NTPCR: variants seen among roughly 807,000 people sequenced by gnomAD.
NTPCR encodes the protein nucleoside-triphosphatase, cancer-related, also known as cancer-related nucleoside-triphosphatase.
NTPCR carries 15 observed loss-of-function variants against 19.5 expected under a neutral mutation model. That is an observed-to-expected ratio of 0.77 (90% CI 0.51 to 1.18). The LOEUF (loss-of-function observed/expected upper bound fraction) is 1.18. Among genes scored for constraint, NTPCR ranks in the 50% most tolerant of loss-of-function variants. NTPCR has a pLI of 0.00. For missense variants in NTPCR, 206 were observed against 240.4 expected, an observed-to-expected ratio of 0.86 and a Z score of 0.95; for synonymous variants, 90 against 95.8, an observed-to-expected ratio of 0.94 and a Z score of 0.36.
chr1:232,964,912 A>G (rs1002225851), intron 3 of NTPCR: 1 of 152,188 alleles, frequency 6.6e-6, no homozygotes, highest in Non-Finnish European at 1.5e-5. Context: ...TGGTTTTTGT[A>G]AACACTGGCA....
At chr1:232,963,265 C>T (rs1343750368) in intron 3 of NTPCR, 1 of 152,192 alleles carries the variant, frequency 6.6e-6, no homozygotes, top group Non-Finnish European at 1.5e-5. Flanking sequence ...GAGGTTGACT[C>T]TGCAGTTCAT....
intron 3 of NTPCR, chr1:232,964,922 A>G (rs1288034894): frequency 6.6e-6 from 1 of 152,188 alleles, no homozygotes; most frequent in Non-Finnish European, 1.5e-5. Context: ...AAACACTGGC[A>G]GGAAGGTGGA....
At chr1:232,972,351 G>C (rs1173514930) in intron 4 of NTPCR, among the ~76,000 whole-genome samples, 5 of 151,928 alleles carry the variant, frequency 3.3e-5, no homozygotes, top group Non-Finnish European at 7.4e-5. Flanking sequence ...TTGCTCTGTT[G>C]CCCAGAGTAA....
At chr1:232,967,602 C>A (rs965517714) in intron 3 of NTPCR, 6 of 152,320 alleles carry the variant, frequency 3.9e-5, no homozygotes, top group African/African-American at 1.4e-4. Context: ...TGAAGAGCCA[C>A]ACACTTTCTA....
intron 4 of NTPCR, chr1:232,976,343 C>A (rs1669122500): frequency 1.3e-6 from 2 of 1,530,756 alleles, no homozygotes; most frequent in South Asian, 1.2e-5. Context: ...ACTCTGTAGT[C>A]ACCGTACTGT....
chr1:232,957,147 G>A (rs937782700), intron 3 of NTPCR, among the ~76,000 whole-genome samples: 22 of 152,182 alleles, frequency 1.4e-4, no homozygotes, highest in Middle Eastern at 3.2e-3. Flanking sequence ...AAAAGATATG[G>A]TCTGTAGCTT....
Position 232,978,827 on chromosome 1 carries a change from A to G in NTPCR, c.*596A>G, listed in dbSNP as rs1015672583. ...AGGCATTGTGTGGGAGGAATACACA[A>G]CCTTTGGAAGTGTTGATAGCATCTG... On this transcript the variant is annotated 3_prime_UTR_variant, in exon 5 of 5. Transcript: ENST00000366628. The G allele has an allele frequency of 2.6e-5, 4 of 152,234 alleles. No individual in the cohort carries two copies. Among genetic ancestry groups the G allele is most frequent in the Admixed American group, 1.3e-4 (2 of 15,274 alleles). The allele number at this position is 152,234 out of a possible 1,614,324, so 9.4% of individuals were successfully genotyped here. A position where few individuals can be genotyped will look rare whatever the true frequency, so the allele number is the denominator to read the frequency against.
chr1:232,971,554 T>G (rs1386843765), intron 4 of NTPCR, among the ~76,000 whole-genome samples: 1 of 152,172 alleles, frequency 6.6e-6, no homozygotes, highest in Non-Finnish European at 1.5e-5. Context: ...CTTCATTTGG[T>G]CAATAGTGAT....
chr1:232,954,190 G>A (rs959989342), intron 1 of NTPCR, among the ~76,000 whole-genome samples: 2 of 152,208 alleles, frequency 1.3e-5, no homozygotes, highest in African/African-American at 4.8e-5. Context: ...GCCAGGGCTG[G>A]ATTAGAATGT....
chr1:232,958,615 C>T (rs1365457183), intron 3 of NTPCR, among the ~76,000 whole-genome samples: 1 of 152,206 alleles, frequency 6.6e-6, no homozygotes, highest in Admixed American at 6.5e-5. Context: ...GTTTCCTCCT[C>T]CCACCTCCTT....
In NTPCR at chr1:232,956,355, C is replaced by T; in HGVS notation, c.206C>T (p.Pro69Leu). ...AATGTCTTTTCCTTCAGGTTAGAGC[C>T]TCCACCTGGAAAACGTGAATGCCGA... ...RGPLSRVGLE[P>L]PPGKRECRVG... Residue 69 changes from proline to leucine, a missense_variant, in exon 3 of 5, where the codon CCT becomes CTT. Physicochemically the swap from Pro to Leu is moderately conservative, Grantham distance 98. Coordinates refer to ENST00000366628, the MANE Select transcript of NTPCR (RefSeq NM_032324.3). 6.2e-7 allele frequency: 1 copy of T among 1,613,036 alleles called. No individual in the cohort carries two copies.
chr1:232,981,271 A>C lies in NTPCR; in HGVS notation c.*3040A>C, dbSNP rs1669273087. 1 of 152,224 alleles carries C rather than the reference A, an allele frequency of 6.6e-6. No individual in the cohort carries two copies. Among genetic ancestry groups the C allele is most frequent in the African/African-American group, 2.4e-5 (1 of 41,446 alleles). 9.4% of individuals were successfully genotyped at this position (152,224 alleles called of 1,614,324 possible). A position where few individuals can be genotyped will look rare whatever the true frequency, so the allele number is the denominator to read the frequency against. On this transcript the variant is annotated 3_prime_UTR_variant, in exon 5 of 5. Transcript: ENST00000366628. ...CCTTGACAGGGAGAGATCCTAGTAA[A>C]GCTGCAAATTCAGGCACTCAGTTCC...
rs571471793 is a variant in NTPCR at position 232,970,079 on chromosome 1, A to G, written c.465A>G (p.Val155=). 2.5e-6 allele frequency: 4 copies of G among 1,614,036 alleles called. No individual in the cohort carries two copies. The highest frequency in any genetic ancestry group is 2.7e-5 in the African/African-American group (2 of 74,942). Residue 155 remains valine, a synonymous_variant, in exon 4 of 5, where the codon GTA becomes GTG. Coordinates refer to ENST00000366628, the MANE Select transcript of NTPCR (RefSeq NM_032324.3). ...PVPKGKPLAL[V]EEIRNRKDVK... is the part of the protein sequence containing the mutation. ...CTAAAGGAAAGCCACTGGCTCTTGT[A>G]GAAGAAATCAGAAACAGAAAGGATG...
At chr1:232,970,418 C>G (rs1365061482) in intron 4 of NTPCR, among the ~76,000 whole-genome samples, 1 of 152,186 alleles carries the variant, frequency 6.6e-6, no homozygotes, top group East Asian at 1.9e-4. Context: ...AGCTAAGGTG[C>G]TTGTTCTAAG....
chr1:232,968,217 A>T (rs12035795), intron 3 of NTPCR: 1 of 152,046 alleles, frequency 6.6e-6, no homozygotes, highest in African/African-American at 2.4e-5. Context: ...AAAATGAAGC[A>T]TGTCAGAAAC....
At chr1:232,959,252 G>A (rs1668601693) in intron 3 of NTPCR, among the ~76,000 whole-genome samples, 1 of 152,156 alleles carries the variant, frequency 6.6e-6, no homozygotes, top group Non-Finnish European at 1.5e-5. Context: ...GGTTTCAAAA[G>A]TGGCAGTTTC....
In NTPCR at chr1:232,980,466, C is replaced by G. The variant is rs1390364301; in HGVS notation, c.*2235C>G. Reference sequence around the variant, plus strand: ...GCATTTTTAGTGTGTTTTGTGCCCCCAGACCTCAGAGTTGACATTTAGCAG... The same window carrying G: ...GCATTTTTAGTGTGTTTTGTGCCCCGAGACCTCAGAGTTGACATTTAGCAG... On this transcript the variant is annotated 3_prime_UTR_variant, in exon 5 of 5. Transcript: ENST00000366628. 6.6e-6 allele frequency: 1 copy of G among 152,192 alleles called. No homozygotes were observed. The highest frequency in any genetic ancestry group is 1.5e-5 in the Non-Finnish European group (1 of 68,040). The allele number at this position is 152,192 out of a possible 1,614,324, so 9.4% of individuals were successfully genotyped here.
At chr1:232,978,007 C>T (rs993446763) in intron 4 of NTPCR, among the ~76,000 whole-genome samples, 156 bp from the exon 5 acceptor site, 4 of 152,230 alleles carry the variant, frequency 2.6e-5, no homozygotes, top group Non-Finnish European at 4.4e-5. Context: ...TGTCCTGTTT[C>T]TGAGTGCTCC....
At chr1:232,963,222 T>C (rs1310580066) in intron 3 of NTPCR, 1 of 152,184 alleles carries the variant, frequency 6.6e-6, no homozygotes, top group Non-Finnish European at 1.5e-5. Flanking sequence ...CTGCAGTGAA[T>C]CAGCATAAGA....
Sources: gnomAD v4.1 joint callset for allele counts (sites outside exome capture counted in the v4.1 genomes callset) on GRCh38, gnomAD v4.1.1 for gene constraint, MANE v1.5 for transcripts, NCBI Gene and HGNC (gene_info 2026-07-23, HGNC 2026-07-21) for gene names.